The following TRHDE variants were observed in gnomAD, a reference collection of about 807,000 sequenced individuals.
TRHDE encodes the protein thyrotropin releasing hormone degrading enzyme.
Under a neutral mutation model 125.7 loss-of-function variants are expected in TRHDE, and 72 were observed. That is an observed-to-expected ratio of 0.57 (90% CI 0.47 to 0.70). TRHDE has a LOEUF of 0.70. Ranked by LOEUF, TRHDE falls within the 30% of genes least tolerant of loss-of-function variation. The pLI, the probability that TRHDE is intolerant of heterozygous loss-of-function variation, is 0.00. For missense variants in TRHDE, 1,110 were observed against 1,327.1 expected, an observed-to-expected ratio of 0.84 and a Z score of 2.54; for synonymous variants, 509 against 509.1, an observed-to-expected ratio of 1.00 and a Z score of 0.00.
chr12:72,156,632 G>A (rs1324861755), intron 2 of TRHDE, among the ~76,000 whole-genome samples: 1 of 152,126 alleles, frequency 6.6e-6, no homozygotes, highest in African/African-American at 2.4e-5. Context: ...TGATCTTTTT[G>A]TGCCTCCTAG....
At chr12:72,635,090 A>G (rs1434084498) in intron 15 of TRHDE, among the ~76,000 whole-genome samples, 3 of 150,768 alleles carry the variant, frequency 2.0e-5, no homozygotes, top group Non-Finnish European at 3.0e-5. Context: ...GACTTCCACA[A>G]TGGTTGAACT....
chr12:72,205,957 A>G (rs534746757), intron 2 of TRHDE, among the ~76,000 whole-genome samples: 23 of 152,152 alleles, frequency 1.5e-4, no homozygotes, highest in Non-Finnish European at 3.1e-4. Context: ...GTGCCATTTT[A>G]TAATCCCACG....
intron 2 of TRHDE, among the ~76,000 whole-genome samples, chr12:72,188,910 C>G (rs1877283215): frequency 6.6e-6 from 1 of 152,186 alleles, no homozygotes; most frequent in Non-Finnish European, 1.5e-5. Flanking sequence ...TCTTCCCCAT[C>G]CACATGCTTA....
In TRHDE at chr12:72,138,349, T is replaced by A. The variant is rs142479385; in HGVS notation, n.279+32597T>A. On this transcript the variant is annotated intron_variant and non_coding_transcript_variant, in intron 2 of 4. Coordinates refer to the TRHDE transcript ENST00000548156. ...GAGATCACACCATTGCACTCTAGCC[T>A]GGTGACAGCAAGACTCCGTTTCAAA... Among the ~76,000 whole-genome samples the A allele has an allele frequency of 7.1e-4, 108 of 151,516 alleles. 1 individual carries two copies. In the East Asian group the frequency reaches 0.017, roughly 24 times the overall value.
chr12:72,261,881 T>G (rs1452443245), intron 2 of TRHDE, among the ~76,000 whole-genome samples: 1 of 152,204 alleles, frequency 6.6e-6, no homozygotes, highest in Non-Finnish European at 1.5e-5. Context: ...TTCAGTTCAT[T>G]TGGAACTGGC....
intron 2 of TRHDE, among the ~76,000 whole-genome samples, chr12:72,333,732 T>A (rs1391059828): frequency 6.6e-6 from 1 of 152,206 alleles, no homozygotes; most frequent in Admixed American, 6.5e-5. Flanking sequence ...CACCATCAGA[T>A]TGAGCGAGTG....
chr12:72,478,693 T>A (rs542380087), intron 5 of TRHDE, among the ~76,000 whole-genome samples: 1 of 152,004 alleles, frequency 6.6e-6, no homozygotes, highest in African/African-American at 2.4e-5. Context: ...AGAGCAGCAA[T>A]GAGAGCAGCA....
At chr12:72,366,992 A>C (rs573034338) in intron 2 of TRHDE, among the ~76,000 whole-genome samples, 1 of 152,110 alleles carries the variant, frequency 6.6e-6, no homozygotes, top group South Asian at 2.1e-4. Flanking sequence ...AGAGGCTTTG[A>C]GATGTCTTTC....
At position 72,578,522 on chromosome 12, in the gene TRHDE, G is replaced by A. The variant is rs564424995; in HGVS notation, c.2321+2980G>A. On this transcript the variant is annotated intron_variant, in intron 12 of 18. Transcript: ENST00000261180. ...TATCTGTCCTTCCCAGCAAAAGTAA[G>A]GTGATATTCTATGGATCTGTGTTAC... 5.9e-5 allele frequency among the ~76,000 whole-genome samples: 9 copies of A among 152,188 alleles called. No homozygotes were observed. In the East Asian group the frequency reaches 1.5e-3, roughly 26 times the overall value.
intron 6 of TRHDE, among the ~76,000 whole-genome samples, chr12:72,519,412 AC>A (rs1247123224): frequency 6.6e-6 from 1 of 151,452 alleles, no homozygotes; most frequent in Non-Finnish European, 1.5e-5. Context: ...CCATCGCTGA[AC>A]CCTTTCTTCC....
intron 2 of TRHDE, among the ~76,000 whole-genome samples, chr12:72,356,015 C>G (rs1005579304): frequency 6.6e-6 from 1 of 151,680 alleles, no homozygotes; most frequent in Non-Finnish European, 1.5e-5. Context: ...AACCACCATT[C>G]AATCCAGCAA....
intron 7 of TRHDE, among the ~76,000 whole-genome samples, chr12:72,548,157 G>GACCCAGTGTTGT (rs1464244816): frequency 6.6e-6 from 1 of 151,630 alleles, no homozygotes; most frequent in African/African-American, 2.4e-5. Flanking sequence ...CAGACTTTAG[G>GACCCAGTGTTGT]ACCCAGTGTT....
intron 3 of TRHDE, among the ~76,000 whole-genome samples, chr12:72,459,962 A>T (rs949521326): frequency 1.3e-5 from 2 of 152,100 alleles, no homozygotes; most frequent in African/African-American, 4.8e-5. Context: ...CCTAATTCCC[A>T]AGAGTGACAC....
chr12:72,131,596 G>T (rs990446179), intron 2 of TRHDE, among the ~76,000 whole-genome samples: 1 of 151,944 alleles, frequency 6.6e-6, no homozygotes, highest in African/African-American at 2.4e-5. Flanking sequence ...GAAATGATTG[G>T]ATTGTTTTCA....
intron 2 of TRHDE, among the ~76,000 whole-genome samples, chr12:72,337,278 G>A (rs1869869951): frequency 6.6e-6 from 1 of 152,122 alleles, no homozygotes; most frequent in African/African-American, 2.4e-5. Flanking sequence ...TTCAGGCTGG[G>A]ATGAGCTGCA....
At chr12:72,372,544 T>A (rs923489493) in intron 2 of TRHDE, among the ~76,000 whole-genome samples, 23 of 152,208 alleles carry the variant, frequency 1.5e-4, no homozygotes, top group African/African-American at 5.6e-4. Context: ...AAGTCTGTAA[T>A]CCATCTTGAA....
intron 2 of TRHDE, among the ~76,000 whole-genome samples, chr12:72,152,200 C>G (rs1876384346): frequency 6.6e-6 from 1 of 150,378 alleles, no homozygotes; most frequent in East Asian, 1.9e-4. Context: ...CTCTGTTTGT[C>G]TGTTATTGGT....
intron 5 of TRHDE, among the ~76,000 whole-genome samples, chr12:72,494,415 T>A (rs1203399365): frequency 5.9e-5 from 9 of 151,996 alleles, no homozygotes. Flanking sequence ...TTATCTTCCT[T>A]GTCTCTGGTT....
intron 3 of TRHDE, among the ~76,000 whole-genome samples, chr12:72,390,836 C>A (rs1022452459): frequency 6.6e-6 from 1 of 152,044 alleles, no homozygotes; most frequent in African/African-American, 2.4e-5. Flanking sequence ...TAATAAAAAT[C>A]TTTGCTGTAA....
Sources: gnomAD v4.1 joint callset for allele counts (sites outside exome capture counted in the v4.1 genomes callset) on GRCh38, gnomAD v4.1.1 for gene constraint, MANE v1.5 for transcripts, NCBI Gene and HGNC (gene_info 2026-07-23, HGNC 2026-07-21) for gene names.